The following ANKHD1 variants were observed in gnomAD, a reference collection of about 807,000 sequenced individuals.
The protein encoded by ANKHD1 is ankyrin repeat and KH domain-containing protein 1.
ANKHD1 carries 31 observed loss-of-function variants against 230.5 expected under a neutral mutation model. That is an observed-to-expected ratio of 0.13 (90% CI 0.10 to 0.18). The LOEUF (loss-of-function observed/expected upper bound fraction) is 0.18, where lower values mean the gene tolerates loss of function less well. Ranked by LOEUF, ANKHD1 falls within the 10% of genes least tolerant of loss-of-function variation. The pLI, the probability that ANKHD1 is intolerant of heterozygous loss-of-function variation, is 1.00. For synonymous variants in ANKHD1, 1,074 were observed against 1,117.6 expected (o/e 0.96, Z 0.78); for missense variants, 2,256 against 3,071.3 (o/e 0.73, Z 6.27).
At chr5:140,525,896 G>T in intron 25 of ANKHD1, 100 bp from the exon 26 acceptor site, 3 of 1,327,330 alleles carry the variant, frequency 2.3e-6, no homozygotes, top group Non-Finnish European at 3.0e-6. Context: ...AAAATATGAT[G>T]TAAAACACTG....
chr5:140,417,481 C>T (rs1264873414), intron 1 of ANKHD1, among the ~76,000 whole-genome samples: 3 of 151,734 alleles, frequency 2.0e-5, no homozygotes, highest in Admixed American at 1.3e-4. Flanking sequence ...AAGACAGTGT[C>T]TCTGTCACTC....
In ANKHD1 at chr5:140,506,792, C is replaced by T; in HGVS notation, c.3409-43C>T. On this transcript the variant is annotated intron_variant, in intron 18 of 33. Coordinates refer to ENST00000360839, the MANE Select transcript of ANKHD1 (RefSeq NM_017747.3). This position sits in a 1 kb window ranked among gnomAD's most constrained non-coding sequence, Gnocchi z 4.7. ...GTGTTTCCTTCATTATAAGTTGAGC[C>T]CTTGGTGTAAACTCTCTTCTCTATC... 6.2e-7 allele frequency: 1 copy of T among 1,602,682 alleles called. No homozygotes were observed. Among genetic ancestry groups the T allele is most frequent in the Non-Finnish European group, 8.5e-7 (1 of 1,177,298 alleles).
At chr5:140,442,030 A>ATTTTTTTTTTTTTTTTTTTTT (rs1561726990) in intron 5 of ANKHD1, among the ~76,000 whole-genome samples, 1 of 134,528 alleles carries the variant, frequency 7.4e-6, no homozygotes, top group African/African-American at 2.8e-5. Flanking sequence ...CTAATAAGAT[A>ATTTTTTTTTTTTTTTTTTTTT]TTCTTTTTTT....
intron 7 of ANKHD1, among the ~76,000 whole-genome samples, chr5:140,450,555 T>G (rs938715330): frequency 6.6e-6 from 1 of 152,068 alleles, no homozygotes; most frequent in African/African-American, 2.4e-5. Context: ...TCTCTTTATT[T>G]TGAAGACAGA....
At chr5:140,462,722 C>T (rs1294149731) in intron 9 of ANKHD1, among the ~76,000 whole-genome samples, 1 of 18,012 alleles carries the variant, frequency 5.6e-5, no homozygotes. Flanking sequence ...GAGACTCCAT[C>T]TCAAAAAAAA....
intron 30 of ANKHD1, among the ~76,000 whole-genome samples, chr5:140,536,842 G>A (rs1754105044): frequency 6.6e-6 from 1 of 152,124 alleles, no homozygotes; most frequent in Admixed American, 6.5e-5. Flanking sequence ...TGACCAACAT[G>A]GAGAAACCCG....
chr5:140,438,432 A>C (rs959692133), intron 2 of ANKHD1, 29 bp from the exon 3 acceptor site: 1 of 1,552,768 alleles, frequency 6.4e-7, no homozygotes, highest in African/African-American at 1.4e-5. Flanking sequence ...GTTGTTCTGC[A>C]CTACCTGATT....
intron 1 of ANKHD1, among the ~76,000 whole-genome samples, chr5:140,420,523 A>G (rs779104613): frequency 5.9e-5 from 9 of 152,200 alleles, no homozygotes; most frequent in Non-Finnish European, 1.2e-4. Context: ...GGCGTGAGGT[A>G]GAGGTCTAAC....
Position 140,458,760 on chromosome 5 carries a change from A to C in ANKHD1, c.1378A>C (p.Arg460=). 1.9e-6 allele frequency: 3 copies of C among 1,613,226 alleles called. No individual in the cohort carries two copies. The highest frequency in any genetic ancestry group is 2.5e-6 in the Non-Finnish European group (3 of 1,179,770). ...HVELAALLIE[R]GANLEEVNDE... is the part of the protein sequence containing the mutation. ...TGAATTGGCAGCTCTACTTATTGAA[A>C]GGGGAGCAAATCTTGAAGAAGTTAA... Residue 460 remains arginine (R), a synonymous_variant, in exon 8 of 34, where the codon AGG becomes CGG. Coordinates refer to ENST00000360839, the MANE Select transcript of ANKHD1 (RefSeq NM_017747.3).
At chr5:140,414,190 A>G (rs767502510) in intron 1 of ANKHD1, among the ~76,000 whole-genome samples, 76 of 152,294 alleles carry the variant, frequency 5.0e-4, no homozygotes, top group Middle Eastern at 3.4e-3. Flanking sequence ...CCTGCATTCA[A>G]TTATTTTAGG....
At chr5:140,411,552 C>T (rs1770926188) in intron 1 of ANKHD1, among the ~76,000 whole-genome samples, 1 of 144,956 alleles carries the variant, frequency 6.9e-6, no homozygotes, top group Non-Finnish European at 1.5e-5. Context: ...CGGAGTCTCA[C>T]TCTGTTGCCC....
At chr5:140,525,845 A>G in intron 25 of ANKHD1, 151 bp from the exon 26 acceptor site, 1 of 1,125,644 alleles carries the variant, frequency 8.9e-7, no homozygotes, top group Non-Finnish European at 1.2e-6. Context: ...AAAAAAAAAA[A>G]AAAAAGATTT....
At chr5:140,448,422 G>C (rs1774455042) in intron 6 of ANKHD1, among the ~76,000 whole-genome samples, 1 of 152,042 alleles carries the variant, frequency 6.6e-6, no homozygotes, top group Admixed American at 6.6e-5. Context: ...TGGGTCAAAG[G>C]GTATGGACAT....
chr5:140,537,972 C>G, intron 31 of ANKHD1, 114 bp from the exon 32 acceptor site: 1 of 1,429,856 alleles, frequency 7.0e-7, no homozygotes, highest in Non-Finnish European at 9.2e-7. Context: ...ACGCTTTGAG[C>G]TCTTCAGAGG....
intron 14 of ANKHD1, among the ~76,000 whole-genome samples, chr5:140,492,673 G>A (rs1751860535): frequency 6.6e-6 from 1 of 152,150 alleles, no homozygotes; most frequent in South Asian, 2.1e-4. Flanking sequence ...GTAGGGTGCT[G>A]TGTGATGATG....
At chr5:140,419,831 TTTC>T (rs1314855078) in intron 1 of ANKHD1, among the ~76,000 whole-genome samples, 6 of 135,936 alleles carry the variant, frequency 4.4e-5, no homozygotes, top group Non-Finnish European at 9.7e-5. Flanking sequence ...TCTTTCTTTC[TTTC>T]TTTTTCTTTC....
intron 4 of ANKHD1, 142 bp downstream of exon 4, chr5:140,440,408 A>G: frequency 7.9e-7 from 1 of 1,262,308 alleles, no homozygotes; most frequent in South Asian, 2.1e-5. Context: ...GTAGTGGGTA[A>G]AGTAGAAACA....
At chr5:140,483,200 T>C (rs935808304) in intron 11 of ANKHD1, among the ~76,000 whole-genome samples, 1 of 152,196 alleles carries the variant, frequency 6.6e-6, no homozygotes, top group Non-Finnish European at 1.5e-5. Flanking sequence ...GAACCAATGT[T>C]AGGTTTAACC....
In ANKHD1 at chr5:140,506,841, G is replaced by C. The variant is rs750103790; in HGVS notation, c.3415G>C (p.Asp1139His). ...TCCATATTTTACTTTGTAGGTGGTA[G>C]ACTTGCTGCTGGCTCGAGGTGCAAA... ...ACSGGRQEVVDLLLARGANKE... is the reference protein window; with the variant it reads ...ACSGGRQEVVHLLLARGANKE... The change falls in exon 19 of 34, where the codon GAC (aspartate) becomes CAC (histidine). Residue 1139 changes from aspartate (D) to histidine (H), a missense_variant. Around this residue, in one of 13 missense-constraint regions of ANKHD1, gnomAD observed 63 missense variants for 125.5 expected, o/e 0.50. Transcript: ENST00000360839. This position sits in a 1 kb window ranked among gnomAD's most constrained non-coding sequence, Gnocchi z 4.7. The C allele has an allele frequency of 1.2e-6, 2 of 1,614,096 alleles. No homozygotes were observed. The highest frequency in any genetic ancestry group is 1.7e-5 in the Admixed American group (1 of 60,012).
Sources: allele counts gnomAD v4.1 joint callset (sites outside exome capture counted in the v4.1 genomes callset), GRCh38; gene constraint gnomAD v4.1.1; regional missense constraint gnomAD v4.1.1; non-coding constraint Gnocchi (gnomAD v3.1); transcripts MANE v1.5; gene names NCBI Gene and HGNC (gene_info 2026-07-23, HGNC 2026-07-21).